The following GALNT3 variants were observed in gnomAD, a reference collection of about 807,000 sequenced individuals.
GALNT3 encodes polypeptide N-acetylgalactosaminyltransferase 3, also known as GalNAc transferase 3.
Under a neutral mutation model 69.8 loss-of-function variants are expected in GALNT3, and 51 were observed. The ratio of observed to expected loss-of-function variants is 0.73; its 90% confidence interval spans 0.58 to 0.92. The LOEUF is 0.92. Ranked by LOEUF, GALNT3 falls within the 40% of genes least tolerant of loss-of-function variation. GALNT3 has a pLI of 0.00. For missense variants in GALNT3, 711 were observed against 760.0 expected, an observed-to-expected ratio of 0.94 and a Z score of 0.76; for synonymous variants, 265 against 248.5, an observed-to-expected ratio of 1.07 and a Z score of -0.63.
chr2:165,762,024 A>G lies in GALNT3; in HGVS notation c.719T>C (p.Val240Ala). 6.3e-7 allele frequency: 1 copy of G among 1,588,794 alleles called. No homozygotes were observed. The highest frequency in any genetic ancestry group is 8.6e-7 in the Non-Finnish European group (1 of 1,157,214). Residue 240 changes from valine (V) to alanine (A), a missense_variant, in exon 4 of 11, where the codon GTA becomes GCA. By Grantham distance (64) the Val-to-Ala change is moderately conservative (BLOSUM62 0). Transcript: ENST00000392701. ...EYLHDKLDEY[V>A]KQFSIVKIVR... Reference sequence around the variant, plus strand: ...TATTTTTACTATAGAAAATTGTTTTACATATTCATCTAGTTTATCATGTAA... The same window carrying G: ...TATTTTTACTATAGAAAATTGTTTTGCATATTCATCTAGTTTATCATGTAA...
At chr2:165,765,640 C>G (rs1178364247) in intron 2 of GALNT3, among the ~76,000 whole-genome samples, 1 of 151,964 alleles carries the variant, frequency 6.6e-6, no homozygotes, top group Non-Finnish European at 1.5e-5. Context: ...AGGCGCCCAC[C>G]ACCACACCCG....
intron 7 of GALNT3, among the ~76,000 whole-genome samples, chr2:165,756,592 G>A (rs1209369026): frequency 6.6e-6 from 1 of 151,492 alleles, no homozygotes; most frequent in Non-Finnish European, 1.5e-5. Flanking sequence ...ATTCTCAAAG[G>A]CTTTGCCAAA....
intron 9 of GALNT3, among the ~76,000 whole-genome samples, chr2:165,750,766 A>G (rs937223632): frequency 6.6e-5 from 10 of 152,178 alleles, no homozygotes; most frequent in East Asian, 1.9e-4. Context: ...TCTTGCATCA[A>G]TCATTGCCCC....
At chr2:165,767,613 T>C (rs956787606) in intron 2 of GALNT3, among the ~76,000 whole-genome samples, 2 of 152,176 alleles carry the variant, frequency 1.3e-5, no homozygotes, top group African/African-American at 4.8e-5. Flanking sequence ...AACAACATGT[T>C]AAATGTATGC....
intron 3 of GALNT3, among the ~76,000 whole-genome samples, chr2:165,762,540 A>G (rs559316960): frequency 1.8e-4 from 27 of 152,344 alleles, no homozygotes; most frequent in African/African-American, 6.3e-4. Flanking sequence ...TAACACCAAA[A>G]TGTTGAGCCA....
At chr2:165,760,025 G>A (rs1430187752) in intron 4 of GALNT3, among the ~76,000 whole-genome samples, 1 of 152,092 alleles carries the variant, frequency 6.6e-6, no homozygotes, top group East Asian at 1.9e-4. Flanking sequence ...ATTCACTACA[G>A]TTAGAAAAAT....
intron 7 of GALNT3, among the ~76,000 whole-genome samples, chr2:165,756,156 C>T (rs1210307659): frequency 6.6e-6 from 1 of 152,122 alleles, no homozygotes; most frequent in Non-Finnish European, 1.5e-5. Flanking sequence ...GTAACCAAAT[C>T]GTTCTTCACC....
At chr2:165,775,091 CAA>C (rs1216142250) in intron 1 of GALNT3, among the ~76,000 whole-genome samples, 1 of 151,804 alleles carries the variant, frequency 6.6e-6, no homozygotes, top group Non-Finnish European at 1.5e-5. Flanking sequence ...CAGGGAGAGT[CAA>C]AGAGATTAAG....
chr2:165,762,111 T>A (rs1444686962), intron 3 of GALNT3, 57 bp from the exon 4 acceptor site: 1 of 1,234,888 alleles, frequency 8.1e-7, no homozygotes, highest in Non-Finnish European at 1.2e-6. Context: ...ATATATAGCT[T>A]ATGAAAGCTA....
chr2:165,759,230 T>C, intron 5 of GALNT3, 106 bp downstream of exon 5: 1 of 873,090 alleles, frequency 1.1e-6, no homozygotes, highest in Non-Finnish European at 1.9e-6. Flanking sequence ...ATATGTGTGT[T>C]CTTTATCAAT....
chr2:165,758,824 C>A lies in GALNT3; in HGVS notation c.1114G>T (p.Glu372Ter). Residue 372 changes from glutamate to a stop codon, truncating the protein, a stop_gained, in exon 6 of 11, where the codon GAA becomes TAA. Transcript: ENST00000392701. LOFTEE classifies it high-confidence loss of function. Reference sequence around the variant, plus strand: ...TAGCTTCCAATATACTCAAAATATTCTTTTGATATGGAAAAAAGTCCTCCT... The same window carrying A: ...TAGCTTCCAATATACTCAAAATATTATTTTGATATGGAAAAAAGTCCTCCT... ...FAGGLFSISK[E>*]YFEYIGSYDE... 1 of 1,610,974 alleles carries A rather than the reference C, an allele frequency of 6.2e-7. No individual in the cohort carries two copies. Among genetic ancestry groups the A allele is most frequent in the Non-Finnish European group, 8.5e-7 (1 of 1,177,402 alleles).
intron 10 of GALNT3, among the ~76,000 whole-genome samples, chr2:165,749,170 A>G (rs1054363994): frequency 2.0e-5 from 3 of 152,126 alleles, no homozygotes; most frequent in Non-Finnish European, 4.4e-5. Context: ...CCCTTGATAT[A>G]TCCATAAGTG....
At position 165,748,310 on chromosome 2, in the gene GALNT3, T is replaced by C. The variant is rs1688295990; in HGVS notation, c.*471A>G. ...GCATTTTAAACTAATAAATTCTGGATCTGTAAAAGCTCTTGGTTTGTACAC... is the reference window on the plus strand; with the variant it reads ...GCATTTTAAACTAATAAATTCTGGACCTGTAAAAGCTCTTGGTTTGTACAC... On this transcript the variant is annotated 3_prime_UTR_variant, in exon 11 of 11. Coordinates refer to ENST00000392701, the MANE Select transcript of GALNT3 (RefSeq NM_004482.4). The C allele has an allele frequency of 4.6e-6, 1 of 215,562 alleles. No homozygotes were observed. Among genetic ancestry groups the C allele is most frequent in the Non-Finnish European group, 9.3e-6 (1 of 107,008 alleles). The allele number at this position is 215,562 out of a possible 1,614,324, so 13.4% of individuals were successfully genotyped here. A position where few individuals can be genotyped will look rare whatever the true frequency, so the allele number is the denominator to read the frequency against.
At chr2:165,763,863 C>T (rs1688592612) in intron 3 of GALNT3, among the ~76,000 whole-genome samples, 1 of 152,130 alleles carries the variant, frequency 6.6e-6, no homozygotes, top group African/African-American at 2.4e-5. Context: ...GGCACAATTA[C>T]TTTTAGCTGT....
intron 2 of GALNT3, among the ~76,000 whole-genome samples, chr2:165,768,554 C>T (rs6737377): frequency 0.99 from 150,953 of 152,304 alleles, 74,813 homozygotes; most frequent in East Asian, 1. Flanking sequence ...TATGAGCAAC[C>T]TAAACTTGAA....
chr2:165,788,144 C>A (rs566088584), intron 1 of GALNT3, among the ~76,000 whole-genome samples: 1 of 151,760 alleles, frequency 6.6e-6, no homozygotes, highest in East Asian at 1.9e-4. Context: ...CTGGCTAACA[C>A]GGTGAAACCC....
Position 165,770,718 on chromosome 2 carries a change from G to C in GALNT3, c.-18C>G, listed in dbSNP as rs754492308. 1 of 1,599,684 alleles carries C rather than the reference G, an allele frequency of 6.3e-7. No individual in the cohort carries two copies. Among genetic ancestry groups the C allele is most frequent in the South Asian group, 1.1e-5 (1 of 90,336 alleles). On this transcript the variant is annotated 5_prime_UTR_variant, in exon 2 of 11. Transcript: ENST00000392701. The stretch of plus-strand genomic sequence containing the variant: ...TGAGCCATTCTGACATTAAAAGCTT[G>C]TCACTTGACAAATAACAGTTATTTC...
At chr2:165,785,276 T>A (rs1683196974) in intron 1 of GALNT3, among the ~76,000 whole-genome samples, 1 of 152,056 alleles carries the variant, frequency 6.6e-6, no homozygotes, top group Admixed American at 6.6e-5. Flanking sequence ...CAAGGCCAAT[T>A]TATATGCTGA....
intron 1 of GALNT3, among the ~76,000 whole-genome samples, chr2:165,789,240 G>T (rs1005296516): frequency 6.6e-6 from 1 of 152,184 alleles, no homozygotes; most frequent in Non-Finnish European, 1.5e-5. Context: ...AATGTCTGGC[G>T]AGGGCACATC....
Sources: allele counts gnomAD v4.1 joint callset (sites outside exome capture counted in the v4.1 genomes callset), GRCh38; gene constraint gnomAD v4.1.1; transcripts MANE v1.5; gene names NCBI Gene and HGNC (gene_info 2026-07-23, HGNC 2026-07-21).